UBP1: variants seen among roughly 807,000 people sequenced by gnomAD.
The protein encoded by UBP1 is upstream-binding protein 1.
A neutral mutation model predicts 76.1 loss-of-function variants in UBP1; 22 were observed. The ratio of observed to expected loss-of-function variants is 0.29; its 90% CI spans 0.21 to 0.41. The LOEUF (loss-of-function observed/expected upper bound fraction) is 0.41. UBP1 is among the 10% of genes least tolerant of loss of function. The pLI is 1.00. For synonymous variants in UBP1, 224 were observed against 237.1 expected (o/e 0.94, Z 0.51); for missense variants, 436 against 668.1 (o/e 0.65, Z 3.83).
At chr3:33,421,567 G>C (rs903192469) in intron 2 of UBP1, among the ~76,000 whole-genome samples, 2 of 152,186 alleles carry the variant, frequency 1.3e-5, no homozygotes, top group Non-Finnish European at 2.9e-5. Context: ...ACCGCACCCA[G>C]CCTTAAACAC....
chr3:33,425,478 A>G, intron 2 of UBP1, 112 bp downstream of exon 2: 4 of 1,162,042 alleles, frequency 3.4e-6, no homozygotes, highest in Non-Finnish European at 4.6e-6. Flanking sequence ...GTAAAATTTA[A>G]GAAAAAGAAC....
At chr3:33,418,106 CAG>C (rs1559685345) in intron 2 of UBP1, among the ~76,000 whole-genome samples, 1 of 151,948 alleles carries the variant, frequency 6.6e-6, no homozygotes, top group Non-Finnish European at 1.5e-5. Context: ...ATTCTGAAAA[CAG>C]AAATAATTTT....
chr3:33,401,047 G>T (rs771014727), intron 9 of UBP1, 31 bp from the exon 10 acceptor site: 6 of 1,566,798 alleles, frequency 3.8e-6, no homozygotes, highest in Admixed American at 3.9e-5. Context: ...AGGAAATGAT[G>T]ATTTTTATAA....
rs531424021 is a variant in UBP1, at chr3:33,428,009, C to G, written c.114-2268G>C. On this transcript the variant is annotated intron_variant, in intron 1 of 15. Transcript: ENST00000283629. ...AGTTCGAGACATGGCGGGGGAAACC[C>G]CGTCTCTACTAAAAATACAAAAATT... Among the ~76,000 whole-genome samples the G allele has an allele frequency of 2.0e-5, 3 of 152,122 alleles. No homozygotes were observed. In the East Asian group the frequency reaches 5.8e-4, roughly 29 times the overall value.
chr3:33,439,101 G>C (rs1347663998), intron 1 of UBP1, among the ~76,000 whole-genome samples: 5 of 152,214 alleles, frequency 3.3e-5, no homozygotes, highest in Non-Finnish European at 7.3e-5. Context: ...AGACAGCAGA[G>C]ACTAAACAAT....
At chr3:33,433,365 T>TAAA (rs1170395728) in intron 1 of UBP1, among the ~76,000 whole-genome samples, 2 of 113,072 alleles carry the variant, frequency 1.8e-5, no homozygotes, top group Non-Finnish European at 3.6e-5. Flanking sequence ...ACCCAGCCTT[T>TAAA]AAAAAAAAAA....
chr3:33,415,955 T>TA (rs2044717617), intron 3 of UBP1: 1 of 152,168 alleles, frequency 6.6e-6, no homozygotes, highest in African/African-American at 2.4e-5. Flanking sequence ...ACACCAAATT[T>TA]AGATTGCCTG....
At chr3:33,402,044 C>A (rs1327990753) in intron 9 of UBP1, among the ~76,000 whole-genome samples, 1 of 152,188 alleles carries the variant, frequency 6.6e-6, no homozygotes, top group Non-Finnish European at 1.5e-5. Context: ...TCTCATCAGA[C>A]CTTGTCAGCA....
intron 5 of UBP1, among the ~76,000 whole-genome samples, chr3:33,411,172 T>A (rs2154057369): frequency 6.6e-6 from 1 of 152,124 alleles, no homozygotes; most frequent in South Asian, 2.1e-4. Flanking sequence ...CAATTAGTCA[T>A]CATTATTATC....
At chr3:33,394,814 CTTGTTTTT>C (rs1420335872) in intron 13 of UBP1, among the ~76,000 whole-genome samples, 30 of 122,100 alleles carry the variant, frequency 2.5e-4, no homozygotes, top group East Asian at 1.2e-3. Context: ...CTGCCCTCCA[CTTGTTTTT>C]TTTTTTTTTT....
At chr3:33,417,824 A>C (rs1203285931) in intron 2 of UBP1, among the ~76,000 whole-genome samples, 1 of 152,166 alleles carries the variant, frequency 6.6e-6, no homozygotes, top group Non-Finnish European at 1.5e-5. Flanking sequence ...CCTTGTCCAT[A>C]CTCCCAGGGG....
chr3:33,399,335 CACTACCTGGAG>C (rs2044132549), intron 11 of UBP1, among the ~76,000 whole-genome samples: 1 of 152,222 alleles, frequency 6.6e-6, no homozygotes, highest in Non-Finnish European at 1.5e-5. Flanking sequence ...TTTCCTATAG[CACTACCTGGAG>C]AAGCAGTGCT....
At chr3:33,424,764 G>A (rs1454961230) in intron 2 of UBP1, among the ~76,000 whole-genome samples, 4 of 152,162 alleles carry the variant, frequency 2.6e-5, no homozygotes, top group South Asian at 4.1e-4. Context: ...AGATAAACTC[G>A]GCCGGGTGCA....
chr3:33,391,650 G>A (rs539145996), intron 15 of UBP1: 2 of 152,258 alleles, frequency 1.3e-5, no homozygotes, highest in Admixed American at 1.3e-4. Flanking sequence ...CAGAAAATAA[G>A]GTGTCAGAAC....
intron 1 of UBP1, among the ~76,000 whole-genome samples, chr3:33,438,666 T>C (rs1055163949): frequency 2.0e-5 from 3 of 152,138 alleles, no homozygotes; most frequent in African/African-American, 7.2e-5. Flanking sequence ...ACTTCCACAC[T>C]CCAAGAAATG....
rs923404133 is a variant in UBP1 at position 33,439,792 on chromosome 3, G to A, written c.57C>T (p.Phe19=). The change falls in exon 1 of 16, where the codon TTC becomes TTT. Residue 19 remains phenylalanine, a synonymous_variant. Transcript: ENST00000283629. ...GCCCGATGCCCGAGAGGCTGGCGTC[G>A]AAGTCGTGCACCAGCCCGGACTCGA... ...EVIESGLVHD[F]DASLSGIGQE... 2 of 1,612,650 alleles carry A rather than the reference G, an allele frequency of 1.2e-6. No individual in the cohort carries two copies. Among genetic ancestry groups the A allele is most frequent in the African/African-American group, 1.3e-5 (1 of 74,888 alleles).
chr3:33,403,653 AATATTTTTC>A (rs1278620115), intron 8 of UBP1: 1 of 152,028 alleles, frequency 6.6e-6, no homozygotes, highest in Non-Finnish European at 1.5e-5. Flanking sequence ...GGTGAACTTT[AATATTTTTC>A]AGCTCCAGGC....
chr3:33,416,052 G>GC (rs922975646), intron 3 of UBP1: 2 of 152,126 alleles, frequency 1.3e-5, no homozygotes, highest in Non-Finnish European at 2.9e-5. Flanking sequence ...CCAATAGAAT[G>GC]CCCCTCCACA....
chr3:33,405,987 AC>A (rs1397982337), intron 8 of UBP1, among the ~76,000 whole-genome samples: 1 of 152,230 alleles, frequency 6.6e-6, no homozygotes, highest in Non-Finnish European at 1.5e-5. Flanking sequence ...CAGACTTATT[AC>A]TTCTATTATC....
Sources: allele counts gnomAD v4.1 joint callset (sites outside exome capture counted in the v4.1 genomes callset), GRCh38; gene constraint gnomAD v4.1.1; transcripts MANE v1.5; gene names NCBI Gene and HGNC (gene_info 2026-07-23, HGNC 2026-07-21).